Variants in SV2C observed in about 807,000 individuals in gnomAD.
SV2C encodes the protein synaptic vesicle glycoprotein 2C.
In SV2C, 49 loss-of-function variants were observed where a neutral mutation model predicts 79.7. The observed-to-expected ratio is 0.61, with a 90% CI of 0.49 to 0.78. SV2C has a LOEUF of 0.78. Ranked by LOEUF, SV2C falls within the 30% of genes least tolerant of loss-of-function variation. The pLI, the probability that SV2C is intolerant of heterozygous loss-of-function variation, is 0.00. For missense variants in SV2C, 833 were observed against 912.9 expected, an observed-to-expected ratio of 0.91 and a Z score of 1.13; for synonymous variants, 334 against 333.2, an observed-to-expected ratio of 1.00 and a Z score of -0.03.
the SV2C span, chr5:75,911,737 G>A: frequency 3.1e-6 from 2 of 640,114 alleles, no homozygotes; most frequent in Admixed American, 1.8e-5. Context: ...CAAGAAAGAG[G>A]ATAATAAGCT....
the SV2C span, among the ~76,000 whole-genome samples, chr5:75,999,193 C>T: frequency 6.6e-6 from 1 of 152,210 alleles, no homozygotes; most frequent in East Asian, 1.9e-4. Context: ...CCAGGTCCCT[C>T]CTGCAACACG....
intron 2 of SV2C, among the ~76,000 whole-genome samples, chr5:76,134,926 T>C (rs571911280): frequency 6.6e-6 from 1 of 152,294 alleles, no homozygotes; most frequent in South Asian, 2.1e-4. Flanking sequence ...GGTTTCTCTA[T>C]CCAAGGAAGT....
the SV2C span, among the ~76,000 whole-genome samples, chr5:75,862,660 C>G: frequency 1.4e-4 from 21 of 152,150 alleles, no homozygotes; most frequent in Admixed American, 3.3e-4. Flanking sequence ...TCAGGCCTAG[C>G]TACTTACCGC....
chr5:75,901,723 A>G, the SV2C span, among the ~76,000 whole-genome samples: 3 of 152,214 alleles, frequency 2.0e-5, no homozygotes, highest in Non-Finnish European at 4.4e-5. Context: ...GGCCTCCTTC[A>G]GCTGTGGTGG....
At position 76,280,908 on chromosome 5, in the gene SV2C, G is replaced by C. The variant is rs1267939841; in HGVS notation, c.914-4254G>C. The C allele has an allele frequency of 1.2e-5, 6 of 516,876 alleles. No individual in the cohort carries two copies. The East Asian group carries it at 1.6e-4, about 14-fold the overall frequency. 32.0% of individuals were successfully genotyped at this position (516,876 alleles called of 1,614,324 possible). ...TTCAGCCGACAAGTGAGGGTCTGCT[G>C]TGTTCCTGGTGCTGAGAGCGCGACA... On this transcript the variant is annotated intron_variant, in intron 4 of 12. Coordinates refer to ENST00000502798, the MANE Select transcript of SV2C (RefSeq NM_014979.4).
chr5:76,245,936 A>ATGTG (rs60767964), intron 4 of SV2C, among the ~76,000 whole-genome samples: 5,427 of 129,040 alleles, frequency 0.042, 144 homozygotes, highest in South Asian at 0.097. Flanking sequence ...GTGTGTGTGT[A>ATGTG]TGTGTGTGTG....
At chr5:75,944,985 G>A in the SV2C span, among the ~76,000 whole-genome samples, 1 of 151,792 alleles carries the variant, frequency 6.6e-6, no homozygotes, top group Admixed American at 6.6e-5. Flanking sequence ...TGACCAATGT[G>A]TGAAAAAAAA....
chr5:75,932,830 G>C, the SV2C span, among the ~76,000 whole-genome samples: 3 of 152,210 alleles, frequency 2.0e-5, no homozygotes, highest in African/African-American at 7.2e-5. Context: ...TTTAAGGCCT[G>C]TTTATGACAG....
intron 2 of SV2C, among the ~76,000 whole-genome samples, chr5:76,148,692 G>T (rs750223238): frequency 6.6e-6 from 1 of 152,136 alleles, no homozygotes. Context: ...GGGCTCAAAT[G>T]ATCCTCCTAC....
At chr5:76,307,960 C>A (rs1403102033) in intron 12 of SV2C, among the ~76,000 whole-genome samples, 1 of 152,144 alleles carries the variant, frequency 6.6e-6, no homozygotes, top group Non-Finnish European at 1.5e-5. Context: ...CTCATTGAAG[C>A]CTTATTATGG....
At chr5:75,953,674 C>T in the SV2C span, among the ~76,000 whole-genome samples, 38,954 of 151,774 alleles carry the variant, frequency 0.26, 6,171 homozygotes, top group Non-Finnish European at 0.37. Flanking sequence ...TGACTGATGA[C>T]AAATGATATA....
intron 1 of SV2C, among the ~76,000 whole-genome samples, chr5:76,119,927 A>C (rs1267995470): frequency 1.3e-5 from 2 of 152,166 alleles, no homozygotes; most frequent in Admixed American, 6.6e-5. Context: ...GTAGAAACTA[A>C]AACTGAGAAC....
chr5:76,185,356 G>A lies in SV2C; in HGVS notation c.581-9563G>A, dbSNP rs182015363. Among the ~76,000 whole-genome samples, 221 of 152,338 alleles carry A rather than the reference G, an allele frequency of 1.5e-3. 1 individual carries two copies. Among genetic ancestry groups the A allele is most frequent in the African/African-American group, 5.2e-3 (215 of 41,586 alleles). ...ATGGTGGCCCTCTTCTCACAGCTCCGTTAGGCAGTGCCACAGTGGGGACTC... is the reference window on the plus strand; with the variant it reads ...ATGGTGGCCCTCTTCTCACAGCTCCATTAGGCAGTGCCACAGTGGGGACTC... On this transcript the variant is annotated intron_variant, in intron 2 of 12. Transcript: ENST00000502798.
chr5:75,996,269 A>G, the SV2C span, among the ~76,000 whole-genome samples: 19 of 152,118 alleles, frequency 1.2e-4, no homozygotes, highest in Admixed American at 6.5e-5. Context: ...TGTTTTTCTC[A>G]GGTTTGTCAA....
At position 76,175,012 on chromosome 5, in the gene SV2C, T is replaced by A. The variant is rs1743479754; in HGVS notation, c.581-19907T>A. Among the ~76,000 whole-genome samples, 2 of 152,124 alleles carry A rather than the reference T, an allele frequency of 1.3e-5. 1 individual carries two copies. The highest frequency in any genetic ancestry group is 4.2e-4 in the South Asian group (2 of 4,818). On this transcript the variant is annotated intron_variant, in intron 2 of 12. Transcript: ENST00000502798. ...GCGGTCTAACTGACTAAATTTCAGG[T>A]AAGGTGAAATCTCAGACCCCTCACA...
At chr5:76,114,854 C>T (rs1409418221) in intron 1 of SV2C, among the ~76,000 whole-genome samples, 1 of 152,216 alleles carries the variant, frequency 6.6e-6, no homozygotes, top group Non-Finnish European at 1.5e-5. Context: ...ATTATCACTG[C>T]TGGCTGATGA....
chr5:76,156,286 T>A (rs894524568), intron 2 of SV2C, among the ~76,000 whole-genome samples: 3 of 152,154 alleles, frequency 2.0e-5, no homozygotes, highest in African/African-American at 7.2e-5. Context: ...GCTGTGGACA[T>A]ACCCAAGGCT....
At chr5:76,274,333 A>G (rs757885350) in intron 4 of SV2C, among the ~76,000 whole-genome samples, 3 of 152,158 alleles carry the variant, frequency 2.0e-5, no homozygotes, top group Non-Finnish European at 2.9e-5. Context: ...TAATTTTTTC[A>G]AAAAGTAAAA....
At chr5:76,210,136 A>G (rs150711208) in intron 4 of SV2C, among the ~76,000 whole-genome samples, 50 of 152,316 alleles carry the variant, frequency 3.3e-4, no homozygotes, top group African/African-American at 1.0e-3. Flanking sequence ...TGCTTTCACA[A>G]GATTTCTGGT....
Sources: gnomAD v4.1 joint callset for allele counts (sites outside exome capture counted in the v4.1 genomes callset) on GRCh38, gnomAD v4.1.1 for gene constraint, MANE v1.5 for transcripts, NCBI Gene and HGNC (gene_info 2026-07-23, HGNC 2026-07-21) for gene names.